The following GXYLT2 variants were observed in gnomAD, a reference collection of about 807,000 sequenced individuals.
GXYLT2 encodes the protein glucoside xylosyltransferase 2.
GXYLT2 carries 53 observed loss-of-function variants against 45.8 expected under a neutral mutation model. The observed-to-expected ratio is 1.16, with a 90% confidence interval of 0.93 to 1.46. The LOEUF is 1.46. Among genes scored for constraint, GXYLT2 ranks in the 40% most tolerant of loss-of-function variants. GXYLT2 has a pLI of 0.00. For missense variants in GXYLT2, 551 were observed against 544.4 expected (o/e 1.01, Z -0.12); for synonymous variants, 219 against 214.2 (o/e 1.02, Z -0.19).
intron 2 of GXYLT2, among the ~76,000 whole-genome samples, chr3:72,916,274 C>T (rs1213069609): frequency 2.0e-5 from 3 of 149,800 alleles, no homozygotes; most frequent in Non-Finnish European, 4.4e-5. Context: ...CAGCCCCTTG[C>T]CAGTCTGAAG....
At chr3:72,933,443 G>A (rs1193657873) in intron 3 of GXYLT2, among the ~76,000 whole-genome samples, 1 of 152,142 alleles carries the variant, frequency 6.6e-6, no homozygotes, top group Non-Finnish European at 1.5e-5. Flanking sequence ...ACGAAGCCTA[G>A]TGTAAGAATC....
chr3:72,915,350 T>G, intron 2 of GXYLT2, among the ~76,000 whole-genome samples: 1 of 94,790 alleles, frequency 1.1e-5, no homozygotes, highest in Non-Finnish European at 2.0e-5. Context: ...TTTTTTTTTT[T>G]TTTTGCGGGG....
chr3:72,972,394 A>G (rs966606625), intron 6 of GXYLT2, among the ~76,000 whole-genome samples: 2 of 136,684 alleles, frequency 1.5e-5, no homozygotes, highest in Non-Finnish European at 3.2e-5. Context: ...ACCTCCCAGC[A>G]CTTTGGGAGA....
At chr3:72,920,126 T>A (rs1399603433) in intron 2 of GXYLT2, among the ~76,000 whole-genome samples, 4 of 152,016 alleles carry the variant, frequency 2.6e-5, no homozygotes, top group Admixed American at 1.3e-4. Flanking sequence ...TTACTTTTTT[T>A]ATTTTTTATT....
chr3:72,932,226 G>A (rs1283115029), intron 3 of GXYLT2, among the ~76,000 whole-genome samples: 1 of 151,702 alleles, frequency 6.6e-6, no homozygotes, highest in Non-Finnish European at 1.5e-5. Flanking sequence ...CTAATTTTTT[G>A]TGTGTATTTT....
At chr3:72,907,815 G>C (rs142496634) in intron 1 of GXYLT2, among the ~76,000 whole-genome samples, 2 of 152,084 alleles carry the variant, frequency 1.3e-5, no homozygotes, top group Non-Finnish European at 2.9e-5. Context: ...CTGAGATGTC[G>C]TCAGGGCGCA....
At chr3:72,934,785 T>A (rs1408477216) in intron 3 of GXYLT2, among the ~76,000 whole-genome samples, 1 of 152,154 alleles carries the variant, frequency 6.6e-6, no homozygotes, top group African/African-American at 2.4e-5. Flanking sequence ...AACATGAGAT[T>A]CAGTAAAAAA....
intron 6 of GXYLT2, 93 bp from the exon 7 acceptor site, chr3:72,974,884 A>T: frequency 1.1e-6 from 1 of 950,266 alleles, no homozygotes; most frequent in Non-Finnish European, 1.6e-6. Context: ...CTGTGGGCTT[A>T]TCGTAATTCC....
chr3:72,914,159 C>A (rs928920932), intron 2 of GXYLT2, among the ~76,000 whole-genome samples: 3 of 152,154 alleles, frequency 2.0e-5, no homozygotes, highest in Non-Finnish European at 4.4e-5. Context: ...CCAGTACCGT[C>A]ATGATTCCTC....
chr3:72,905,064 CAAAAAAAAAAAA>C lies in GXYLT2; in HGVS notation c.276-3290_276-3279del, dbSNP rs1177216917. Among the ~76,000 whole-genome samples, 4 of 36,246 alleles carry C rather than the reference CAAAAAAAAAAAA, an allele frequency of 1.1e-4. No individual in the cohort carries two copies. In the South Asian group the frequency reaches 4.7e-3, roughly 43 times the overall value. The allele number at this position is 36,246 out of a possible 152,430, so 23.8% of individuals were successfully genotyped here. A position where few individuals can be genotyped will look rare whatever the true frequency, so the allele number is the denominator to read the frequency against. On this transcript the variant is annotated intron_variant, in intron 1 of 6. Transcript: ENST00000389617. Reference sequence around the variant, plus strand: ...TGGGCAACAGAGTGAGATTCTGTCTCAAAAAAAAAAAAAAAAAAAAAAAAGGAAAGAAAAGAA... The same window carrying C: ...TGGGCAACAGAGTGAGATTCTGTCTCAAAAAAAAAAAAGGAAAGAAAAGAA...
intron 1 of GXYLT2, among the ~76,000 whole-genome samples, chr3:72,895,542 T>G (rs1709272635): frequency 6.6e-6 from 1 of 152,186 alleles, no homozygotes; most frequent in South Asian, 2.1e-4. Flanking sequence ...GGAAGAGAAT[T>G]TGAGAACAGA....
intron 3 of GXYLT2, among the ~76,000 whole-genome samples, chr3:72,931,136 T>G (rs552747376): frequency 6.6e-6 from 1 of 152,126 alleles, no homozygotes; most frequent in Non-Finnish European, 1.5e-5. Flanking sequence ...CTGACCACAG[T>G]GGAATGGAAT....
At chr3:72,918,216 T>TAA (rs1709773215) in intron 2 of GXYLT2, among the ~76,000 whole-genome samples, 1 of 152,264 alleles carries the variant, frequency 6.6e-6, no homozygotes, top group Non-Finnish European at 1.5e-5. Flanking sequence ...TTTGATTTTT[T>TAA]AAAACTATTT....
At chr3:72,896,898 G>A (rs1284297475) in intron 1 of GXYLT2, among the ~76,000 whole-genome samples, 1 of 151,974 alleles carries the variant, frequency 6.6e-6, no homozygotes, top group African/African-American at 2.4e-5. Flanking sequence ...CCGTTTTGTA[G>A]TAAGGTAGAA....
intron 3 of GXYLT2, among the ~76,000 whole-genome samples, chr3:72,938,245 G>C (rs1316389966): frequency 2.0e-5 from 3 of 152,118 alleles, no homozygotes; most frequent in Admixed American, 6.6e-5. Context: ...AGATGGATAG[G>C]GGGATGGACA....
chr3:72,896,975 T>C (rs1709304239), intron 1 of GXYLT2, among the ~76,000 whole-genome samples: 1 of 152,202 alleles, frequency 6.6e-6, no homozygotes, highest in Non-Finnish European at 1.5e-5. Context: ...GGATATAACA[T>C]ATTTAGAGAA....
chr3:72,967,073 A>G (rs1380111941), intron 5 of GXYLT2, among the ~76,000 whole-genome samples: 1 of 152,222 alleles, frequency 6.6e-6, no homozygotes, highest in African/African-American at 2.4e-5. Context: ...CAGCCAGTGC[A>G]ACTGCTAACA....
chr3:72,913,138 C>T (rs868120777), intron 2 of GXYLT2, among the ~76,000 whole-genome samples: 3 of 150,638 alleles, frequency 2.0e-5, no homozygotes, highest in Non-Finnish European at 3.0e-5. Flanking sequence ...CCCAGGTTCA[C>T]GCCATTCTCC....
rs1351194943 is a variant in GXYLT2, at chr3:72,957,361, T to C, written c.976+9T>C. 3.1e-6 allele frequency: 5 copies of C among 1,593,176 alleles called. No homozygotes were observed. The South Asian group carries it at 5.7e-5, about 18-fold the overall frequency. ...TTTTTATTTCAACCCAGGTAGGTTA[T>C]CTTTGGAGAATGCCTTTTGTGTAGG... On this transcript the variant is annotated intron_variant, in intron 5 of 6. Transcript: ENST00000389617.
Sources: gnomAD v4.1 joint callset for allele counts (sites outside exome capture counted in the v4.1 genomes callset) on GRCh38, gnomAD v4.1.1 for gene constraint, MANE v1.5 for transcripts, NCBI Gene and HGNC (gene_info 2026-07-23, HGNC 2026-07-21) for gene names.